SLC25A21: variants seen among roughly 807,000 people sequenced by gnomAD.
The protein encoded by SLC25A21 is solute carrier family 25 member 21, also known as mitochondrial 2-oxodicarboxylate carrier.
A neutral mutation model predicts 43.8 loss-of-function variants in SLC25A21; 47 were observed. The observed-to-expected ratio is 1.07, with a 90% CI of 0.85 to 1.37. The LOEUF is 1.37. Among genes scored for constraint, SLC25A21 ranks in the 40% most tolerant of loss-of-function variants. The pLI is 0.00. For missense variants in SLC25A21, 352 were observed against 350.2 expected (o/e 1.00, Z -0.04); for synonymous variants, 131 against 121.3 (o/e 1.08, Z -0.52).
rs554363746 is a variant in SLC25A21, at chr14:36,774,748, A to G, written c.203+39170T>C. Among the ~76,000 whole-genome samples, 93 of 152,098 alleles carry G rather than the reference A, an allele frequency of 6.1e-4. 1 individual carries two copies. The highest frequency in any genetic ancestry group is 2.9e-4 in the Non-Finnish European group (20 of 68,014). ...ACCCAGCTAATTTGTTATTTTTTGT[A>G]GAGAACAAGGTCTTGCTATGTTGCT... On this transcript the variant is annotated intron_variant, in intron 3 of 9. Transcript: ENST00000331299.
Position 37,022,937 on chromosome 14 carries a change from G to A in SLC25A21, c.71-147933C>T, listed in dbSNP as rs188565485. 1.5e-4 allele frequency among the ~76,000 whole-genome samples: 23 copies of A among 152,116 alleles called. No individual in the cohort carries two copies. The East Asian group carries it at 1.5e-3, about 10-fold the overall frequency. Reference sequence around the variant, plus strand: ...AATAGCATATAATTATTTAACTGAAGGAGGTTTTAGGAGATAACCTAAGAA... The same window carrying A: ...AATAGCATATAATTATTTAACTGAAAGAGGTTTTAGGAGATAACCTAAGAA... On this transcript the variant is annotated intron_variant, in intron 1 of 9. Transcript: ENST00000331299.
At chr14:36,690,047 G>T (rs1353608214) in intron 7 of SLC25A21, among the ~76,000 whole-genome samples, 1 of 152,168 alleles carries the variant, frequency 6.6e-6, no homozygotes, top group African/African-American at 2.4e-5. Context: ...CCTATCCTTA[G>T]CTCAGTCCAA....
chr14:36,889,570 T>G (rs558348797), intron 1 of SLC25A21, among the ~76,000 whole-genome samples: 2 of 152,284 alleles, frequency 1.3e-5, no homozygotes, highest in East Asian at 3.9e-4. Context: ...CACTGCAGCC[T>G]CAAACTCCTG....
chr14:37,094,162 G>C (rs1287891113), intron 1 of SLC25A21, among the ~76,000 whole-genome samples: 1 of 152,164 alleles, frequency 6.6e-6, no homozygotes, highest in African/African-American at 2.4e-5. Flanking sequence ...CAAGTGTGGA[G>C]TTTAGACTTT....
At chr14:36,993,811 C>T (rs1960314681) in intron 1 of SLC25A21, among the ~76,000 whole-genome samples, 1 of 152,126 alleles carries the variant, frequency 6.6e-6, no homozygotes, top group Non-Finnish European at 1.5e-5. Flanking sequence ...AACACCTCAT[C>T]AATCCCTTAA....
rs1887407278 is a variant in SLC25A21 at position 36,789,866 on chromosome 14, A to AATATATTATATATTTATATAAAAT, written c.203+24028_203+24051dup. The stretch of plus-strand genomic sequence containing the variant: ...AATATATTTTATATATTTATATAAA[A>AATATATTATATATTTATATAAAAT]ATATATTATATATTTATATAAAATA... On this transcript the variant is annotated intron_variant, in intron 3 of 9. Coordinates refer to ENST00000331299, the MANE Select transcript of SLC25A21 (RefSeq NM_030631.4). Among the ~76,000 whole-genome samples the AATATATTATATATTTATATAAAAT allele has an allele frequency of 6.7e-5, 5 of 75,034 alleles. 1 individual carries two copies. The highest frequency in any genetic ancestry group is 1.3e-4 in the Non-Finnish European group (5 of 39,332). The allele number at this position is 75,034 out of a possible 152,430, so 49.2% of individuals were successfully genotyped here.
chr14:37,123,158 C>CA (rs1450015635), intron 1 of SLC25A21, among the ~76,000 whole-genome samples: 2 of 152,140 alleles, frequency 1.3e-5, no homozygotes, highest in Non-Finnish European at 2.9e-5. Flanking sequence ...GAAAATACTT[C>CA]AAGGTTATTG....
At chr14:37,126,319 C>T (rs1322990306) in intron 1 of SLC25A21, among the ~76,000 whole-genome samples, 1 of 152,042 alleles carries the variant, frequency 6.6e-6, no homozygotes, top group Admixed American at 6.6e-5. Flanking sequence ...TTACCAAAGC[C>T]ACCAAAATGG....
chr14:36,716,156 G>T (rs1884124714), intron 6 of SLC25A21, among the ~76,000 whole-genome samples: 1 of 152,026 alleles, frequency 6.6e-6, no homozygotes, highest in Non-Finnish European at 1.5e-5. Flanking sequence ...AACACTGAAA[G>T]AAAAATATCA....
At position 36,678,136 on chromosome 14, in the gene SLC25A21, G is replaced by C. The variant is rs10141087; in HGVS notation, c.*2522C>G. ...TCCCTAGGTGATTTTAATTTCTTCC[G>C]GTCTGTGCTGTGCACAGTCTACATG... is the stretch of plus-strand genomic sequence containing the variant. On this transcript the variant is annotated 3_prime_UTR_variant, in exon 10 of 10. Transcript: ENST00000331299. 0.52 allele frequency: 131,766 copies of C among 254,366 alleles called. 34,702 individuals carry two copies. Among genetic ancestry groups the C allele is most frequent in the Admixed American group, 0.6 (12,240 of 20,248 alleles). The allele number at this position is 254,366 out of a possible 1,614,324, so 15.8% of individuals were successfully genotyped here.
chr14:36,749,039 G>A (rs1167251031), intron 3 of SLC25A21, among the ~76,000 whole-genome samples: 2 of 152,182 alleles, frequency 1.3e-5, no homozygotes, highest in African/African-American at 2.4e-5. Context: ...CCGAATTTTG[G>A]CCAATCCAAT....
intron 2 of SLC25A21, among the ~76,000 whole-genome samples, chr14:36,850,314 A>G (rs2138513876): frequency 6.6e-6 from 1 of 152,310 alleles, no homozygotes; most frequent in African/African-American, 2.4e-5. Flanking sequence ...ATAGTATGTG[A>G]TAAAACTATT....
chr14:36,928,552 T>C (rs1368434203), intron 1 of SLC25A21, among the ~76,000 whole-genome samples: 1 of 152,186 alleles, frequency 6.6e-6, no homozygotes, highest in African/African-American at 2.4e-5. Context: ...AATGTATTTA[T>C]CCACAATGCA....
chr14:36,932,778 A>G (rs1423857380), intron 1 of SLC25A21, among the ~76,000 whole-genome samples: 1 of 151,834 alleles, frequency 6.6e-6, no homozygotes, highest in Non-Finnish European at 1.5e-5. Flanking sequence ...TCCCCCGAGA[A>G]GGGAAGGCAG....
chr14:37,036,779 G>T (rs1165102652), intron 1 of SLC25A21, among the ~76,000 whole-genome samples: 1 of 152,114 alleles, frequency 6.6e-6, no homozygotes, highest in Admixed American at 6.5e-5. Context: ...AGGGGAAGTG[G>T]TTTCTCAACA....
intron 3 of SLC25A21, among the ~76,000 whole-genome samples, chr14:36,805,198 C>A (rs560675567): frequency 6.6e-6 from 1 of 152,178 alleles, no homozygotes; most frequent in Non-Finnish European, 1.5e-5. Context: ...GCCTTGCTGA[C>A]GGGCTGACAT....
At chr14:37,055,641 C>G (rs1185846170) in intron 1 of SLC25A21, among the ~76,000 whole-genome samples, 1 of 152,102 alleles carries the variant, frequency 6.6e-6, no homozygotes, top group Non-Finnish European at 1.5e-5. Context: ...AAGGTGTAGC[C>G]TCTCCAGGTG....
intron 1 of SLC25A21, among the ~76,000 whole-genome samples, chr14:36,926,592 A>G (rs1303833456): frequency 1.3e-5 from 2 of 152,104 alleles, no homozygotes; most frequent in African/African-American, 4.8e-5. Context: ...AGAGAGGACA[A>G]CACTGGTGAT....
chr14:37,054,512 C>T (rs1357934449), intron 1 of SLC25A21, among the ~76,000 whole-genome samples: 1 of 152,006 alleles, frequency 6.6e-6, no homozygotes, highest in Non-Finnish European at 1.5e-5. Flanking sequence ...TAACAGAAAC[C>T]TAAAACATGT....
Sources: allele counts gnomAD v4.1 joint callset (sites outside exome capture counted in the v4.1 genomes callset), GRCh38; gene constraint gnomAD v4.1.1; transcripts MANE v1.5; gene names NCBI Gene and HGNC (gene_info 2026-07-23, HGNC 2026-07-21).